The following ADAM32 variants were observed in gnomAD, a reference collection of about 807,000 sequenced individuals.
ADAM32 encodes disintegrin and metalloproteinase domain-containing protein 32.
In ADAM32, 89 loss-of-function variants were observed where a neutral mutation model predicts 114.9. The ratio of observed to expected loss-of-function variants is 0.77; its 90% confidence interval spans 0.65 to 0.92. The LOEUF (loss-of-function observed/expected upper bound fraction) is 0.92, where lower values mean the gene tolerates loss of function less well. Among genes scored for constraint, ADAM32 ranks in the 40% least tolerant of loss-of-function variants. The probability of loss-of-function intolerance (pLI) is 0.00; values close to 1 mark genes in which losing one functional copy is unlikely to be tolerated. For synonymous variants in ADAM32, 285 were observed against 307.5 expected (o/e 0.93, Z 0.77); for missense variants, 870 against 932.8 (o/e 0.93, Z 0.88).
At position 39,158,476 on chromosome 8, in the gene ADAM32, C is replaced by CATAGCCT. The variant is rs140217962; in HGVS notation, c.526-2420_526-2414dup. 1.5e-3 allele frequency: 406 copies of CATAGCCT among 265,168 alleles called. 2 individuals carry two copies. Among genetic ancestry groups the CATAGCCT allele is most frequent in the African/African-American group, 8.5e-3 (366 of 42,924 alleles). 16.4% of individuals were successfully genotyped at this position (265,168 alleles called of 1,614,324 possible). A position where few individuals can be genotyped will look rare whatever the true frequency, so the allele number is the denominator to read the frequency against. ...CCATGGGCAGTGTCTCCACAATGGT[C>CATAGCCT]ATAGCCTCTACCCCTTCCTTCTTGT... On this transcript the variant is annotated intron_variant, in intron 6 of 24. Coordinates refer to ENST00000379907, the MANE Select transcript of ADAM32 (RefSeq NM_145004.7).
intron 1 of ADAM32, 34 bp downstream of exon 1, chr8:39,107,867 C>T (rs199678589): frequency 5.3e-6 from 8 of 1,504,526 alleles, no homozygotes; most frequent in Admixed American, 4.6e-5. Flanking sequence ...CTAGTCCGGG[C>T]GCTCGTCACA....
chr8:39,248,759 A>T (rs1363212248), intron 17 of ADAM32, among the ~76,000 whole-genome samples: 1 of 152,260 alleles, frequency 6.6e-6, no homozygotes, highest in East Asian at 1.9e-4. Context: ...ATTGCTCCTT[A>T]TCTTACTGGG....
chr8:39,113,964 A>C (rs978643254), intron 1 of ADAM32, among the ~76,000 whole-genome samples: 1 of 150,736 alleles, frequency 6.6e-6, no homozygotes, highest in Non-Finnish European at 1.5e-5. Context: ...AGACGTGTTG[A>C]TTTTTTTCAA....
chr8:39,274,787 A>G (rs947556419), intron 21 of ADAM32, among the ~76,000 whole-genome samples: 2 of 152,232 alleles, frequency 1.3e-5, no homozygotes, highest in African/African-American at 4.8e-5. Flanking sequence ...CCATCACAAC[A>G]TCAGAGAGCA....
intron 10 of ADAM32, among the ~76,000 whole-genome samples, chr8:39,172,166 C>A (rs1202745892): frequency 6.6e-6 from 1 of 151,980 alleles, no homozygotes; most frequent in Non-Finnish European, 1.5e-5. Flanking sequence ...TTTCTAACTT[C>A]TTTTACTTGT....
chr8:39,225,931 C>A (rs1460316528), intron 14 of ADAM32, among the ~76,000 whole-genome samples: 2 of 152,042 alleles, frequency 1.3e-5, no homozygotes, highest in African/African-American at 4.8e-5. Flanking sequence ...CAATAATTTT[C>A]TAATAACTGA....
At chr8:39,264,773 A>G (rs559308115) in intron 19 of ADAM32, among the ~76,000 whole-genome samples, 1 of 152,172 alleles carries the variant, frequency 6.6e-6, no homozygotes, top group African/African-American at 2.4e-5. Flanking sequence ...GTTTCAAATA[A>G]TTTTTTTATT....
chr8:39,180,418 T>TGTG (rs1345551321), intron 10 of ADAM32, among the ~76,000 whole-genome samples: 1 of 152,220 alleles, frequency 6.6e-6, no homozygotes, highest in African/African-American at 2.4e-5. Flanking sequence ...CCCCTGCCTC[T>TGTG]GTGGGCTCCT....
At chr8:39,210,281 C>A (rs1399743457) in intron 11 of ADAM32, among the ~76,000 whole-genome samples, 1 of 152,178 alleles carries the variant, frequency 6.6e-6, no homozygotes, top group Non-Finnish European at 1.5e-5. Flanking sequence ...TCTCTATGTG[C>A]ATTGCTTCAG....
intron 17 of ADAM32, among the ~76,000 whole-genome samples, chr8:39,248,813 GT>G (rs1421104910): frequency 6.6e-5 from 10 of 151,186 alleles, no homozygotes; most frequent in African/African-American, 9.7e-5. Flanking sequence ...TCAGCTGTAG[GT>G]TTTTTTGTTT....
intron 16 of ADAM32, among the ~76,000 whole-genome samples, chr8:39,239,094 A>C (rs1461012138): frequency 6.6e-6 from 1 of 152,182 alleles, no homozygotes; most frequent in Non-Finnish European, 1.5e-5. Flanking sequence ...TATCACAAGA[A>C]GATCATCATC....
intron 11 of ADAM32, among the ~76,000 whole-genome samples, chr8:39,193,506 AGCCATCTCACCTTGGTT>A: frequency 6.6e-6 from 1 of 152,126 alleles, no homozygotes; most frequent in Non-Finnish European, 1.5e-5. Flanking sequence ...CTGTCATTTC[AGCCATCTCACCTTGGTT>A]AATAACCCTT....
At chr8:39,154,497 C>T (rs544582841) in intron 6 of ADAM32, among the ~76,000 whole-genome samples, 1 of 152,274 alleles carries the variant, frequency 6.6e-6, no homozygotes, top group East Asian at 1.9e-4. Flanking sequence ...CAGCAATAAA[C>T]ATATGTGTGC....
At chr8:39,241,721 C>G (rs1810566903) in intron 16 of ADAM32, among the ~76,000 whole-genome samples, 1 of 152,210 alleles carries the variant, frequency 6.6e-6, no homozygotes, top group South Asian at 2.1e-4. Context: ...CCCACAAAGT[C>G]ATTTTTTCCC....
chr8:39,130,943 G>A (rs1312069642), intron 2 of ADAM32: 1 of 423,424 alleles, frequency 2.4e-6, no homozygotes, highest in East Asian at 7.1e-5. Flanking sequence ...GGGAGACTGA[G>A]GCAGGAGGAT....
At chr8:39,219,231 G>T (rs1271575520) in intron 12 of ADAM32, among the ~76,000 whole-genome samples, 1 of 152,126 alleles carries the variant, frequency 6.6e-6, no homozygotes, top group Non-Finnish European at 1.5e-5. Context: ...CTGGGGGAAG[G>T]ATGGCACAAG....
chr8:39,261,542 A>T (rs938795188), intron 19 of ADAM32, among the ~76,000 whole-genome samples: 7 of 152,180 alleles, frequency 4.6e-5, no homozygotes, highest in Non-Finnish European at 1.5e-5. Flanking sequence ...TCTTCGATAC[A>T]ATGGTTTCCT....
At chr8:39,212,715 T>C (rs1274737111) in intron 12 of ADAM32, among the ~76,000 whole-genome samples, 1 of 152,200 alleles carries the variant, frequency 6.6e-6, no homozygotes, top group Non-Finnish European at 1.5e-5. Flanking sequence ...ACCATTCACC[T>C]GCTAATGGAC....
intron 13 of ADAM32, 109 bp from the exon 14 acceptor site, chr8:39,222,931 A>T: frequency 1.2e-6 from 1 of 814,366 alleles, no homozygotes; most frequent in South Asian, 2.0e-5. Context: ...ATTAATATAC[A>T]TTAATGGATA....
Sources: gnomAD v4.1 joint callset for allele counts (sites outside exome capture counted in the v4.1 genomes callset) on GRCh38, gnomAD v4.1.1 for gene constraint, MANE v1.5 for transcripts, NCBI Gene and HGNC (gene_info 2026-07-23, HGNC 2026-07-21) for gene names.